Variants in SCN10A observed in about 807,000 individuals in gnomAD.
The protein encoded by SCN10A is sodium channel protein type 10 subunit alpha.
In SCN10A, 162 loss-of-function variants were observed where a neutral mutation model predicts 170.7. That is an observed-to-expected ratio of 0.95 (90% CI 0.84 to 1.08). SCN10A has a LOEUF of 1.08. Among genes scored for constraint, SCN10A ranks in the 50% least tolerant of loss-of-function variants. The pLI, the probability that SCN10A is intolerant of heterozygous loss-of-function variation, is 0.00. For missense variants in SCN10A, 2,527 were observed against 2,436.9 expected (o/e 1.04, Z -0.78); for synonymous variants, 985 against 904.6 (o/e 1.09, Z -1.59).
intron 23 of SCN10A, among the ~76,000 whole-genome samples, chr3:38,711,102 A>C (rs2063268985): frequency 6.6e-6 from 1 of 152,234 alleles, no homozygotes; most frequent in Admixed American, 6.5e-5. Context: ...CTGTTTAAGA[A>C]TAGAGTAGCA....
In SCN10A at chr3:38,723,496, C is replaced by T; in HGVS notation, c.3286G>A (p.Glu1096Lys). ...AGCTCAGGGATCTTCCTCAGGATTT[C>T]CTCAGGATCTAGGCAGTCCACCGTG... is the stretch of plus-strand genomic sequence containing the variant. ...GSTVDCLDPE[E>K]ILRKIPELAD... is the part of the protein sequence containing the mutation. The change falls in exon 19 of 28, where the codon GAA becomes AAA. Residue 1096 changes from glutamate (E) to lysine (K), a missense_variant. Transcript: ENST00000449082. 3 of 1,613,844 alleles carry T rather than the reference C, an allele frequency of 1.9e-6. No homozygotes were observed. The highest frequency in any genetic ancestry group is 1.6e-4 in the Middle Eastern group (1 of 6,062).
At position 38,761,385 on chromosome 3, in the gene SCN10A, T is replaced by G. The variant is rs2063869611; in HGVS notation, c.692-2A>C. 1 of 1,611,288 alleles carries G rather than the reference T, an allele frequency of 6.2e-7. No individual in the cohort carries two copies. The highest frequency in any genetic ancestry group is 1.3e-5 in the African/African-American group (1 of 74,998). Reference sequence around the variant, plus strand: ...GGGCCCCCACAATGACCTTCAGGCCTGCGGGAAGATGACAGTGGTATGACC... The same window carrying G: ...GGGCCCCCACAATGACCTTCAGGCCGGCGGGAAGATGACAGTGGTATGACC... On this transcript the variant is annotated splice_acceptor_variant, in intron 6 of 27. Coordinates refer to ENST00000449082, the MANE Select transcript of SCN10A (RefSeq NM_006514.4). LOFTEE classifies it high-confidence loss of function.
chr3:38,774,754 A>C (rs1261037115), intron 4 of SCN10A, among the ~76,000 whole-genome samples: 22 of 152,208 alleles, frequency 1.4e-4, no homozygotes, highest in Admixed American at 1.4e-3. Flanking sequence ...AGCCCTTCCC[A>C]TTTGCCAGCC....
rs767813915 is a variant in SCN10A, at chr3:38,742,308, G to A, written c.2089C>T (p.Leu697Phe). The A allele has an allele frequency of 6.2e-7, 1 of 1,613,716 alleles. No homozygotes were observed. Among genetic ancestry groups the A allele is most frequent in the African/African-American group, 1.3e-5 (1 of 74,992 alleles). Residue 697 changes from leucine to phenylalanine, a missense_variant, in exon 14 of 28, where the codon CTC (leucine) becomes TTC (phenylalanine). Leu to Phe is a conservative substitution (Grantham distance 22). Transcript: ENST00000449082. ...GCACTCACGATGTTGCCTATCTGGA[G>A]CATGGCTTCGAAGGTAGGGCTCATG... Reference protein sequence around the residue: ...HGMSPTFEAMLQIGNIVFTIF... With the variant: ...HGMSPTFEAMFQIGNIVFTIF...
At chr3:38,774,873 T>C (rs1323823605) in intron 4 of SCN10A, among the ~76,000 whole-genome samples, 1 of 152,170 alleles carries the variant, frequency 6.6e-6, no homozygotes, top group African/African-American at 2.4e-5. Context: ...ATTCACAATT[T>C]CCACTGTGTA....
intron 27 of SCN10A, among the ~76,000 whole-genome samples, chr3:38,700,788 T>G (rs2063148240): frequency 6.6e-6 from 1 of 152,180 alleles, no homozygotes; most frequent in Non-Finnish European, 1.5e-5. Context: ...CAGTGGCAAA[T>G]TAAATCTACA....
chr3:38,712,056 G>T, intron 23 of SCN10A, 105 bp downstream of exon 23: 1 of 1,102,658 alleles, frequency 9.1e-7, no homozygotes, highest in Non-Finnish European at 1.3e-6. Context: ...CACACTGAGT[G>T]CTACTCCTTG....
At chr3:38,793,324 G>T (rs547812246) in intron 2 of SCN10A, among the ~76,000 whole-genome samples, 54 of 152,136 alleles carry the variant, frequency 3.5e-4, no homozygotes, top group Admixed American at 1.3e-3. Flanking sequence ...GGACACCAGG[G>T]GTTCCAAGAT....
intron 1 of SCN10A, among the ~76,000 whole-genome samples, chr3:38,806,122 C>T (rs1265210264): frequency 6.6e-6 from 1 of 152,098 alleles, no homozygotes; most frequent in East Asian, 1.9e-4. Context: ...GGCTGAAATG[C>T]TGAGAATAGG....
At chr3:38,813,890 G>A (rs75644206) in intron 1 of SCN10A, among the ~76,000 whole-genome samples, 2 of 152,318 alleles carry the variant, frequency 1.3e-5, no homozygotes, top group South Asian at 2.1e-4. Context: ...TGTCACATTC[G>A]AATCTTATTC....
chr3:38,725,787 G>A (rs2063447844), intron 17 of SCN10A, among the ~76,000 whole-genome samples: 1 of 152,248 alleles, frequency 6.6e-6, no homozygotes, highest in Non-Finnish European at 1.5e-5. Context: ...GCTTCTGAGT[G>A]GCAGACAGCT....
At chr3:38,802,419 A>T (rs946856827) in intron 1 of SCN10A, among the ~76,000 whole-genome samples, 1 of 152,170 alleles carries the variant, frequency 6.6e-6, no homozygotes, top group Non-Finnish European at 1.5e-5. Context: ...CAGAAGTATA[A>T]AGTGAAATTA....
rs767177596 is a variant in SCN10A, at chr3:38,698,042, A to C, written c.5178T>G (p.Asn1726Lys). Residue 1726 changes from asparagine to lysine, a missense_variant, in exon 28 of 28, where the codon AAT becomes AAG. Transcript: ENST00000449082. ...MYIAVILENF[N>K]VATEESTEPL... ...GCTCAGTGCTCTCCTCCGTGGCCAC[A>C]TTGAAGTTCTCCAGAATCACTGCAA... 7.4e-6 allele frequency: 12 copies of C among 1,614,074 alleles called. No individual in the cohort carries two copies. The Admixed American group carries it at 1.5e-4, about 20-fold the overall frequency.
At chr3:38,814,446 T>C (rs1258088840) in intron 1 of SCN10A, among the ~76,000 whole-genome samples, 1 of 152,140 alleles carries the variant, frequency 6.6e-6, no homozygotes, top group Non-Finnish European at 1.5e-5. Context: ...CTTGACTTGA[T>C]TGGGTGCTGA....
intron 2 of SCN10A, among the ~76,000 whole-genome samples, chr3:38,792,422 C>T (rs1445336476): frequency 6.6e-6 from 1 of 152,144 alleles, no homozygotes. Flanking sequence ...ACTGAGGGTA[C>T]TTTAATGGAC....
At chr3:38,731,421 G>T (rs1346377641) in intron 15 of SCN10A, among the ~76,000 whole-genome samples, 1 of 152,082 alleles carries the variant, frequency 6.6e-6, no homozygotes, top group Admixed American at 6.6e-5. Context: ...TGCTCCAAAG[G>T]GTTGAAGAAA....
At chr3:38,729,973 G>A (rs6780103) in intron 15 of SCN10A, among the ~76,000 whole-genome samples, 52,527 of 152,104 alleles carry the variant, frequency 0.35, 9,926 homozygotes, top group African/African-American at 0.52. Flanking sequence ...CAATCTGGAA[G>A]TTACTCTCCT....
intron 27 of SCN10A, among the ~76,000 whole-genome samples, chr3:38,701,147 G>T (rs930838330): frequency 1.3e-5 from 2 of 152,190 alleles, no homozygotes; most frequent in Non-Finnish European, 2.9e-5. Context: ...AACTTAGGAA[G>T]TATTCAGTCA....
chr3:38,735,207 T>C (rs9828737), intron 15 of SCN10A, among the ~76,000 whole-genome samples: 36,746 of 149,120 alleles, frequency 0.25, 4,779 homozygotes, highest in African/African-American at 0.29. Flanking sequence ...AAGAAGAAAT[T>C]AAACTCATTG....
Sources: gnomAD v4.1 joint callset for allele counts (sites outside exome capture counted in the v4.1 genomes callset) on GRCh38, gnomAD v4.1.1 for gene constraint, MANE v1.5 for transcripts, NCBI Gene and HGNC (gene_info 2026-07-23, HGNC 2026-07-21) for gene names.